Variants in GPR89B observed in about 807,000 individuals in gnomAD.
GPR89B encodes the protein G protein-coupled receptor 89B.
GPR89B carries 25 observed loss-of-function variants against 52.4 expected under a neutral mutation model. The ratio of observed to expected loss-of-function variants is 0.48; its 90% confidence interval spans 0.35 to 0.67. GPR89B has a LOEUF of 0.67. GPR89B is among the 30% of genes least tolerant of loss of function. The pLI is 0.01. For missense variants in GPR89B, 146 were observed against 450.2 expected, an observed-to-expected ratio of 0.32 and a Z score of 6.11; for synonymous variants, 52 against 151.2, an observed-to-expected ratio of 0.34 and a Z score of 4.81.
At chr1:148,020,947 C>T in the GPR89B span, among the ~76,000 whole-genome samples, 3 of 151,648 alleles carry the variant, frequency 2.0e-5, no homozygotes, top group African/African-American at 7.3e-5. Flanking sequence ...TTCGGCCTCC[C>T]AAAGTGGTGG....
intron 10 of GPR89B, among the ~76,000 whole-genome samples, chr1:147,975,798 C>T (rs1657790793): frequency 6.6e-6 from 1 of 152,094 alleles, no homozygotes. Context: ...GCATTTAGTG[C>T]TATCCATTTC....
At chr1:147,931,913 A>G (rs1165053605) in intron 1 of GPR89B, among the ~76,000 whole-genome samples, 1 of 152,112 alleles carries the variant, frequency 6.6e-6, no homozygotes, top group Non-Finnish European at 1.5e-5. Context: ...AAAGGACATA[A>G]TTTTGTTCTG....
At chr1:147,934,642 A>T (rs1653929870) in intron 1 of GPR89B, among the ~76,000 whole-genome samples, 1 of 152,188 alleles carries the variant, frequency 6.6e-6, no homozygotes, top group Non-Finnish European at 1.5e-5. Flanking sequence ...CTCGGGCATT[A>T]TCTTCTCCAG....
Position 147,992,697 on chromosome 1 carries a change from C to A in GPR89B, c.1162-14C>A, listed in dbSNP as rs1430084470. ...ATTCAGAGTCACTTCTGGATTAATTCATTTGACTTACAGGGCATGTACTTT... is the reference window on the plus strand; with the variant it reads ...ATTCAGAGTCACTTCTGGATTAATTAATTTGACTTACAGGGCATGTACTTT... On this transcript the variant is annotated splice_polypyrimidine_tract_variant and intron_variant, in intron 13 of 13. Transcript: ENST00000314163. The A allele has an allele frequency of 4.4e-6, 6 of 1,375,602 alleles. No homozygotes were observed. Among genetic ancestry groups the A allele is most frequent in the South Asian group, 1.2e-5 (1 of 85,310 alleles). 85.2% of individuals were successfully genotyped at this position (1,375,602 alleles called of 1,614,324 possible).
At chr1:148,008,928 A>C in the GPR89B span, among the ~76,000 whole-genome samples, 1 of 152,216 alleles carries the variant, frequency 6.6e-6, no homozygotes, top group Non-Finnish European at 1.5e-5. Context: ...CAGATAAAAA[A>C]AAAAGATACC....
chr1:147,948,717 A>C (rs1426923776), intron 5 of GPR89B, among the ~76,000 whole-genome samples: 70 of 152,076 alleles, frequency 4.6e-4, no homozygotes, highest in African/African-American at 1.4e-3. Flanking sequence ...AAGGGAAAAC[A>C]TAGGGAAATG....
the GPR89B span, among the ~76,000 whole-genome samples, chr1:148,000,286 A>AT: frequency 2.0e-5 from 3 of 150,994 alleles, no homozygotes; most frequent in African/African-American, 7.3e-5. Context: ...CTTTAAGCAC[A>AT]TAAACGGTTA....
chr1:147,957,938 C>T (rs1401626959), intron 7 of GPR89B, among the ~76,000 whole-genome samples: 1 of 151,384 alleles, frequency 6.6e-6, no homozygotes, highest in South Asian at 2.1e-4. Context: ...GTGGTGGGCG[C>T]CTGTAGTCCC....
intron 5 of GPR89B, among the ~76,000 whole-genome samples, chr1:147,950,759 C>T (rs1249127564): frequency 3.3e-5 from 5 of 152,126 alleles, no homozygotes; most frequent in South Asian, 2.1e-4. Context: ...AGTGAAACCC[C>T]GTCTCCACCA....
At chr1:147,941,863 C>T (rs1284694921) in intron 3 of GPR89B, among the ~76,000 whole-genome samples, 1 of 151,912 alleles carries the variant, frequency 6.6e-6, no homozygotes, top group Admixed American at 6.6e-5. Context: ...CAATATTTTA[C>T]CTGTTACCAT....
At position 147,986,079 on chromosome 1, in the gene GPR89B, A is replaced by G. The variant is rs1658645984; in HGVS notation, c.910-120A>G. 7.6e-6 allele frequency: 12 copies of G among 1,588,598 alleles called. No individual in the cohort carries two copies. In the South Asian group the frequency reaches 1.1e-4, roughly 15 times the overall value. The stretch of plus-strand genomic sequence containing the variant: ...TGATTTGGATTAAGAGTAGAATTGC[A>G]TTTTTAGGAACATTGACCTGTAAGA... On this transcript the variant is annotated intron_variant, in intron 10 of 13. Transcript: ENST00000314163.
intron 5 of GPR89B, among the ~76,000 whole-genome samples, chr1:147,950,442 T>C (rs1469184791): frequency 1.3e-5 from 2 of 149,846 alleles, no homozygotes; most frequent in Non-Finnish European, 3.0e-5. Flanking sequence ...CGCTCCTCAC[T>C]TTCCAGACTG....
intron 3 of GPR89B, among the ~76,000 whole-genome samples, chr1:147,940,294 T>G (rs1654451588): frequency 6.6e-6 from 1 of 151,452 alleles, no homozygotes; most frequent in African/African-American, 2.4e-5. Context: ...TCCCAGCTAC[T>G]TGGGGGGCTG....
the GPR89B span, among the ~76,000 whole-genome samples, chr1:148,007,466 C>G: frequency 6.6e-6 from 1 of 151,726 alleles, no homozygotes; most frequent in African/African-American, 2.4e-5. Flanking sequence ...ATGAACAAAT[C>G]AGGGTGTAAT....
At chr1:148,005,701 T>C in the GPR89B span, among the ~76,000 whole-genome samples, 1 of 152,160 alleles carries the variant, frequency 6.6e-6, no homozygotes, top group African/African-American at 2.4e-5. Flanking sequence ...TGATGCACTA[T>C]AGCATTCTTG....
the GPR89B span, among the ~76,000 whole-genome samples, chr1:148,020,043 G>T: frequency 6.6e-6 from 1 of 151,370 alleles, no homozygotes. Context: ...CGAGTTCCTG[G>T]GTCCTGAAGG....
chr1:147,987,797 A>G (rs2149094115), intron 11 of GPR89B, among the ~76,000 whole-genome samples: 1 of 151,198 alleles, frequency 6.6e-6, no homozygotes, highest in African/African-American at 2.4e-5. Flanking sequence ...CTATGAAGCA[A>G]TACAGGAGGA....
In GPR89B at chr1:147,954,825, A is replaced by G. The variant is rs1327569702; in HGVS notation, c.617+423A>G. Among the ~76,000 whole-genome samples the G allele has an allele frequency of 5.3e-5, 8 of 150,680 alleles. No individual in the cohort carries two copies. The South Asian group carries it at 6.4e-4, about 12-fold the overall frequency. ...GTAAATTGACAAATTATGGTTGTAT[A>G]TATTTGTGGCATACAAAGTGGAATA... On this transcript the variant is annotated intron_variant, in intron 7 of 13. Coordinates refer to ENST00000314163, the MANE Select transcript of GPR89B (RefSeq NM_016334.5).
intron 2 of GPR89B, 132 bp from the exon 3 acceptor site, chr1:147,938,582 C>T: frequency 1.0e-6 from 1 of 968,152 alleles, no homozygotes. Context: ...AGGCAAGTTG[C>T]TGTTGTGGCC....
Sources: gnomAD v4.1 joint callset for allele counts (sites outside exome capture counted in the v4.1 genomes callset) on GRCh38, gnomAD v4.1.1 for gene constraint, MANE v1.5 for transcripts, NCBI Gene and HGNC (gene_info 2026-07-23, HGNC 2026-07-21) for gene names.